Variants in KLHL18 observed in about 807,000 individuals in gnomAD.
KLHL18 encodes kelch like family member 18.
A neutral mutation model predicts 58.5 loss-of-function variants in KLHL18; 38 were observed. The observed-to-expected ratio is 0.65, with a 90% CI of 0.50 to 0.85. KLHL18 has a LOEUF of 0.85. KLHL18 is among the 40% of genes least tolerant of loss of function. The pLI is 0.00. For missense variants in KLHL18, 624 were observed against 778.4 expected, an observed-to-expected ratio of 0.80 and a Z score of 2.36; for synonymous variants, 303 against 301.9, an observed-to-expected ratio of 1.00 and a Z score of -0.04.
chr3:47,285,797 A>G (rs772787326), intron 1 of KLHL18, among the ~76,000 whole-genome samples: 3 of 152,244 alleles, frequency 2.0e-5, no homozygotes, highest in Non-Finnish European at 4.4e-5. Flanking sequence ...CTGTAATCCC[A>G]GCACTTTGGG....
intron 8 of KLHL18, among the ~76,000 whole-genome samples, chr3:47,342,455 G>A (rs2107666931): frequency 6.6e-6 from 1 of 152,336 alleles, no homozygotes; most frequent in East Asian, 1.9e-4. Flanking sequence ...GGGAGTGCAG[G>A]GAGGAGCAGA....
chr3:47,337,338 CATTCT>C, intron 7 of KLHL18: 2 of 159,256 alleles, frequency 1.3e-5, no homozygotes, highest in Admixed American at 5.8e-5. Flanking sequence ...TCACTCAGTA[CATTCT>C]AGCTACCTGC....
At chr3:47,303,886 C>T (rs894679550) in intron 1 of KLHL18, among the ~76,000 whole-genome samples, 1 of 131,686 alleles carries the variant, frequency 7.6e-6, no homozygotes, top group Non-Finnish European at 1.7e-5. Flanking sequence ...CTATGCCCAA[C>T]TAATTTTTAA....
rs960831184 is a variant in KLHL18, at chr3:47,322,760, A to G, written c.401+52A>G. ...AGAACATGACTATTTCATTTCTGGA[A>G]TCTTCTGCCAGTTTGCTGAGTTCTT... On this transcript the variant is annotated intron_variant, in intron 3 of 9. Transcript: ENST00000232766. 4 of 1,464,124 alleles carry G rather than the reference A, an allele frequency of 2.7e-6. No individual in the cohort carries two copies. In the African/African-American group the frequency reaches 4.3e-5, roughly 16 times the overall value. 90.7% of individuals were successfully genotyped at this position (1,464,124 alleles called of 1,614,324 possible). A position where few individuals can be genotyped will look rare whatever the true frequency, so the allele number is the denominator to read the frequency against.
intron 1 of KLHL18, among the ~76,000 whole-genome samples, chr3:47,308,995 G>A (rs1167974055): frequency 6.6e-6 from 1 of 152,096 alleles, no homozygotes; most frequent in Non-Finnish European, 1.5e-5. Flanking sequence ...CTGCCTTCAA[G>A]CATCTGTTTA....
rs527678664 is a variant in KLHL18 at position 47,321,909 on chromosome 3, A to G, written c.261-659A>G. 3.3e-5 allele frequency among the ~76,000 whole-genome samples: 5 copies of G among 152,314 alleles called. No homozygotes were observed. The South Asian group carries it at 1.0e-3, about 32-fold the overall frequency. ...GCAGTCATTGCAAAGGCCCTGAGGT[A>G]AGAATATGTCCAGAATGTTGGAATC... On this transcript the variant is annotated intron_variant, in intron 2 of 9. Coordinates refer to ENST00000232766, the MANE Select transcript of KLHL18 (RefSeq NM_025010.5).
chr3:47,337,295 A>T (rs768831394), intron 7 of KLHL18: 1 of 163,812 alleles, frequency 6.1e-6, no homozygotes, highest in Non-Finnish European at 1.4e-5. Context: ...ACAGGAGCAC[A>T]TAGGTATTTG....
At chr3:47,298,431 A>G (rs1453604314) in intron 1 of KLHL18, among the ~76,000 whole-genome samples, 1 of 152,070 alleles carries the variant, frequency 6.6e-6, no homozygotes, top group Non-Finnish European at 1.5e-5. Flanking sequence ...AGCCCCCTAA[A>G]ATGGGGACTG....
chr3:47,336,610 C>G lies in KLHL18; in HGVS notation c.974C>G (p.Ala325Gly). 1 of 1,614,230 alleles carries G rather than the reference C, an allele frequency of 6.2e-7. No individual in the cohort carries two copies. Among genetic ancestry groups the G allele is most frequent in the Non-Finnish European group, 8.5e-7 (1 of 1,180,034 alleles). The change falls in exon 7 of 10, where the codon GCC (alanine) becomes GGC (glycine). Residue 325 changes from alanine to glycine, a missense_variant. Coordinates refer to ENST00000232766, the MANE Select transcript of KLHL18 (RefSeq NM_025010.5). ...CWERCRPMTTARSRVGVAVVN... is the reference protein window; with the variant it reads ...CWERCRPMTTGRSRVGVAVVN... The stretch of plus-strand genomic sequence containing the variant: ...GAGAGATGCCGTCCCATGACAACAG[C>G]CCGCAGCCGCGTTGGCGTGGCTGTG...
intron 1 of KLHL18, among the ~76,000 whole-genome samples, chr3:47,286,121 C>T (rs1702670642): frequency 6.6e-6 from 1 of 151,738 alleles, no homozygotes; most frequent in Non-Finnish European, 1.5e-5. Flanking sequence ...GGATCTAGAA[C>T]ATAAGGACCA....
At chr3:47,319,429 A>G (rs1196956311) in intron 1 of KLHL18, among the ~76,000 whole-genome samples, 1 of 152,196 alleles carries the variant, frequency 6.6e-6, no homozygotes, top group Admixed American at 6.5e-5. Flanking sequence ...ATTAAAATGT[A>G]TTGTTTACAT....
chr3:47,318,134 G>T (rs1261297570), intron 1 of KLHL18, among the ~76,000 whole-genome samples: 1 of 152,286 alleles, frequency 6.6e-6, no homozygotes, highest in Non-Finnish European at 1.5e-5. Context: ...CAAAGTGCTG[G>T]GATTACAGGC....
intron 3 of KLHL18, among the ~76,000 whole-genome samples, chr3:47,328,137 G>A (rs974806325): frequency 6.6e-6 from 1 of 152,144 alleles, no homozygotes; most frequent in African/African-American, 2.4e-5. Flanking sequence ...GGCCAAGGCA[G>A]GAGGATTGCT....
chr3:47,308,924 G>C (rs542844048), intron 1 of KLHL18, among the ~76,000 whole-genome samples: 4 of 152,250 alleles, frequency 2.6e-5, no homozygotes, highest in Non-Finnish European at 2.9e-5. Flanking sequence ...GGGGCCTTCC[G>C]CAGTGTTTGT....
intron 1 of KLHL18, among the ~76,000 whole-genome samples, chr3:47,300,221 T>C (rs934090302): frequency 6.8e-6 from 1 of 148,136 alleles, no homozygotes; most frequent in Non-Finnish European, 1.5e-5. Context: ...TTCTTCCCCA[T>C]TCTATTTCTC....
At chr3:47,313,736 T>C (rs563009136) in intron 1 of KLHL18, among the ~76,000 whole-genome samples, 10 of 152,340 alleles carry the variant, frequency 6.6e-5, no homozygotes, top group African/African-American at 2.2e-4. Context: ...TTTTCTCAAT[T>C]GACTGAGAAC....
chr3:47,316,467 A>T (rs1703424353), intron 1 of KLHL18, among the ~76,000 whole-genome samples: 1 of 116,846 alleles, frequency 8.6e-6, no homozygotes. Flanking sequence ...ACAAATATAT[A>T]TATATGTATA....
intron 1 of KLHL18, among the ~76,000 whole-genome samples, chr3:47,308,719 CTCCT>C (rs1174976312): frequency 6.6e-6 from 1 of 152,084 alleles, no homozygotes; most frequent in Non-Finnish European, 1.5e-5. Context: ...CCTTATCTCC[CTCCT>C]TCCTTCCCTC....
rs1455016852 is a variant in KLHL18 at position 47,319,774 on chromosome 3, T to C, written c.251T>C (p.Met84Thr). Reference sequence around the variant, plus strand: ...CAGGATGAGATTGTAATGCAAGGAATGGACCCAAGGTACTGAATCCCACCA... The same window carrying C: ...CAGGATGAGATTGTAATGCAAGGAACGGACCCAAGGTACTGAATCCCACCA... The part of the protein sequence containing the change: ...CKQDEIVMQG[M>T]DPSALEALIN... Residue 84 changes from methionine to threonine, a missense_variant, in exon 2 of 10, where the codon ATG (methionine) becomes ACG (threonine). Met to Thr is a moderately conservative substitution (Grantham distance 81). Coordinates refer to ENST00000232766, the MANE Select transcript of KLHL18 (RefSeq NM_025010.5). 6.2e-7 allele frequency: 1 copy of C among 1,613,526 alleles called. No homozygotes were observed. The highest frequency in any genetic ancestry group is 8.5e-7 in the Non-Finnish European group (1 of 1,179,644).
Sources: gnomAD v4.1 joint callset for allele counts (sites outside exome capture counted in the v4.1 genomes callset) on GRCh38, gnomAD v4.1.1 for gene constraint, MANE v1.5 for transcripts, NCBI Gene and HGNC (gene_info 2026-07-23, HGNC 2026-07-21) for gene names.